The following ROBO2 variants were observed in gnomAD, a reference collection of about 807,000 sequenced individuals.
The protein encoded by ROBO2 is roundabout homolog 2.
In ROBO2, 53 loss-of-function variants were observed where a neutral mutation model predicts 160.8. That is an observed-to-expected ratio of 0.33 (90% CI 0.26 to 0.41). The LOEUF is 0.41. Ranked by LOEUF, ROBO2 falls within the 10% of genes least tolerant of loss-of-function variation. The pLI is 1.00. For missense variants in ROBO2, 1,577 were observed against 1,722.4 expected (o/e 0.92, Z 1.49); for synonymous variants, 664 against 611.7 (o/e 1.09, Z -1.26).
At chr3:77,581,438 C>A (rs906367701) in intron 16 of ROBO2, among the ~76,000 whole-genome samples, 2 of 151,952 alleles carry the variant, frequency 1.3e-5, no homozygotes, top group Non-Finnish European at 2.9e-5. Context: ...AGCTTTTATG[C>A]GGAGGTCTAT....
chr3:76,840,280 C>CTTTTTTTTATTTTTTTTTTTTT, intron 2 of ROBO2, among the ~76,000 whole-genome samples: 1 of 151,696 alleles, frequency 6.6e-6, no homozygotes, highest in Non-Finnish European at 1.5e-5. Context: ...TAGAAAGGGG[C>CTTTTTTTTATTTTTTTTTTTTT]TGATATTTTA....
At chr3:76,755,763 A>G (rs990439382) in intron 2 of ROBO2, among the ~76,000 whole-genome samples, 1 of 151,854 alleles carries the variant, frequency 6.6e-6, no homozygotes, top group Non-Finnish European at 1.5e-5. Context: ...TGTTTTGTCC[A>G]TGGGGTTAAT....
chr3:76,117,859 A>G (rs1041192345), intron 2 of ROBO2, among the ~76,000 whole-genome samples: 2 of 152,198 alleles, frequency 1.3e-5, no homozygotes, highest in Admixed American at 6.6e-5. Flanking sequence ...TTCACAGGAA[A>G]AGAGAGAACT....
At chr3:77,586,542 T>C (rs1296753153) in intron 16 of ROBO2, among the ~76,000 whole-genome samples, 2 of 152,054 alleles carry the variant, frequency 1.3e-5, no homozygotes, top group African/African-American at 4.8e-5. Flanking sequence ...GTCACACACA[T>C]CCCTTGTCTA....
At chr3:76,001,135 T>G (rs1447796764) in intron 2 of ROBO2, among the ~76,000 whole-genome samples, 1 of 152,196 alleles carries the variant, frequency 6.6e-6, no homozygotes, top group Non-Finnish European at 1.5e-5. Flanking sequence ...TATTCTTAAA[T>G]GTTGGACAAA....
chr3:76,411,030 T>C (rs1238147443), intron 2 of ROBO2, among the ~76,000 whole-genome samples: 1 of 152,156 alleles, frequency 6.6e-6, no homozygotes, highest in Non-Finnish European at 1.5e-5. Context: ...TTTTTTTTAA[T>C]GATAGGTTAT....
chr3:77,394,340 C>T (rs2075056089), intron 2 of ROBO2, among the ~76,000 whole-genome samples: 3 of 151,836 alleles, frequency 2.0e-5, no homozygotes, highest in Non-Finnish European at 4.4e-5. Flanking sequence ...TGGCTGGTCG[C>T]CTCCCTATTC....
intron 2 of ROBO2, among the ~76,000 whole-genome samples, chr3:76,457,854 A>C (rs1414782666): frequency 6.6e-6 from 1 of 152,148 alleles, no homozygotes; most frequent in Non-Finnish European, 1.5e-5. Flanking sequence ...GCCACAGCCC[A>C]AGCTGTACCT....
chr3:76,601,545 C>T (rs949968116), intron 2 of ROBO2, among the ~76,000 whole-genome samples: 2 of 152,226 alleles, frequency 1.3e-5, no homozygotes, highest in African/African-American at 2.4e-5. Context: ...GGGGCTTCCA[C>T]CCTCTGAATC....
At chr3:77,274,860 A>C (rs1279975365) in intron 2 of ROBO2, among the ~76,000 whole-genome samples, 1 of 152,158 alleles carries the variant, frequency 6.6e-6, no homozygotes, top group Admixed American at 6.6e-5. Flanking sequence ...AGACAGTTAA[A>C]AGATTCTTCT....
In ROBO2 at chr3:76,830,811, T is replaced by TAAA. The variant is rs10666160; in HGVS notation, c.110-267187_110-267185dup. ...GGGCAACAAAGCAAGACCTCATTTC[T>TAAA]AAAAAAAAAAAAAAAAAAGTTCTTT... On this transcript the variant is annotated intron_variant, in intron 2 of 26. Transcript: ENST00000487694. Among the ~76,000 whole-genome samples, 862 of 132,490 alleles carry TAAA rather than the reference T, an allele frequency of 6.5e-3. 6 individuals are homozygous for TAAA. The highest frequency in any genetic ancestry group is 0.02 in the South Asian group (78 of 3,872). The allele number at this position is 132,490 out of a possible 152,430, so 86.9% of individuals were successfully genotyped here.
At chr3:76,576,623 C>A (rs1176758166) in intron 2 of ROBO2, among the ~76,000 whole-genome samples, 1 of 148,890 alleles carries the variant, frequency 6.7e-6, no homozygotes, top group Non-Finnish European at 1.5e-5. Flanking sequence ...TTTAAAATCT[C>A]ATTTTTTAAA....
intron 2 of ROBO2, among the ~76,000 whole-genome samples, chr3:76,404,408 A>G (rs756012417): frequency 1.3e-5 from 2 of 151,544 alleles, no homozygotes; most frequent in Admixed American, 6.6e-5. Flanking sequence ...AATTTGGAAG[A>G]AATACAAGTA....
intron 2 of ROBO2, among the ~76,000 whole-genome samples, chr3:76,770,604 A>G (rs892644507): frequency 2.6e-5 from 4 of 151,282 alleles, no homozygotes; most frequent in Admixed American, 1.3e-4. Flanking sequence ...ACATACATGT[A>G]TGTATTTACT....
intron 2 of ROBO2, among the ~76,000 whole-genome samples, chr3:77,172,265 C>CT (rs1441161358): frequency 6.6e-6 from 1 of 152,068 alleles, no homozygotes; most frequent in Non-Finnish European, 1.5e-5. Flanking sequence ...ATGAGGATTA[C>CT]TTTTTTCATA....
chr3:77,601,648 T>C (rs1666125), intron 19 of ROBO2, among the ~76,000 whole-genome samples: 85,511 of 151,912 alleles, frequency 0.56, 24,172 homozygotes, highest in Middle Eastern at 0.68. Flanking sequence ...ACCTGAAAAT[T>C]TTCCTTTGTT....
At chr3:77,023,087 C>T (rs537695680) in intron 2 of ROBO2, among the ~76,000 whole-genome samples, 3 of 152,234 alleles carry the variant, frequency 2.0e-5, no homozygotes, top group East Asian at 3.9e-4. Flanking sequence ...AATGTGTCTC[C>T]CAGAATTCCC....
intron 2 of ROBO2, among the ~76,000 whole-genome samples, chr3:76,410,557 G>A (rs1315826185): frequency 6.6e-6 from 1 of 152,088 alleles, no homozygotes; most frequent in African/African-American, 2.4e-5. Context: ...TCTAACCTGA[G>A]ACCACTGATA....
intron 2 of ROBO2, among the ~76,000 whole-genome samples, chr3:77,028,126 G>C (rs2063089964): frequency 6.6e-6 from 1 of 151,774 alleles, no homozygotes; most frequent in African/African-American, 2.4e-5. Context: ...AATCAACAAG[G>C]AATTGCTCAT....
Sources: allele counts gnomAD v4.1 joint callset (sites outside exome capture counted in the v4.1 genomes callset), GRCh38; gene constraint gnomAD v4.1.1; transcripts MANE v1.5; gene names NCBI Gene and HGNC (gene_info 2026-07-23, HGNC 2026-07-21).